DMRTA2: variants seen among roughly 807,000 people sequenced by gnomAD.
The protein encoded by DMRTA2 is doublesex- and mab-3-related transcription factor A2.
Under a neutral mutation model 29.7 loss-of-function variants are expected in DMRTA2, and 10 were observed. The observed-to-expected ratio is 0.34, with a 90% CI of 0.21 to 0.57. The LOEUF is 0.57. DMRTA2 is among the 20% of genes least tolerant of loss of function. DMRTA2 has a pLI of 0.87. For synonymous variants in DMRTA2, 469 were observed against 402.6 expected (o/e 1.16, Z -1.97); for missense variants, 783 against 812.1 (o/e 0.96, Z 0.44).
rs1278531 is a variant in DMRTA2, at chr1:50,420,924, T to C, written c.559+54A>G. 5,082 of 1,397,430 alleles carry C rather than the reference T, an allele frequency of 3.6e-3. 114 individuals carry two copies. The African/African-American group carries it at 0.048, about 13-fold the overall frequency. The allele number at this position is 1,397,430 out of a possible 1,614,324, so 86.6% of individuals were successfully genotyped here. A position where few individuals can be genotyped will look rare whatever the true frequency, so the allele number is the denominator to read the frequency against. ...AACCGAGACAAGCCCCTGGGCCCCG[T>C]GCCCCAGAGCTACGATCCTGCTGCC... On this transcript the variant is annotated intron_variant, in intron 2 of 2. Transcript: ENST00000404795. The surrounding 1 kb of genome is among the most constrained non-coding windows in gnomAD (Gnocchi z 4.1).
rs1646009847 is a variant in DMRTA2, at chr1:50,418,805, A to C, written c.1489T>G (p.Phe497Val). The change falls in exon 3 of 3, where the codon TTC (phenylalanine) becomes GTC (valine). Residue 497 changes from phenylalanine (F) to valine (V), a missense_variant. Physicochemically the swap from Phe to Val is conservative, Grantham distance 50 (BLOSUM62 -1). Around this residue, in one of 3 missense-constraint regions of DMRTA2, gnomAD observed 667 missense variants for 624.8 expected, o/e 1.07. Transcript: ENST00000404795. ...AAGGCGTAGTCCATGGGTGGGCGGAAGCCGAGCGTGGGCACCAAGCCGGCA... is the reference window on the plus strand; with the variant it reads ...AAGGCGTAGTCCATGGGTGGGCGGACGCCGAGCGTGGGCACCAAGCCGGCA... ...STAGLVPTLG[F>V]RPPMDYAFSD... 2 of 1,588,378 alleles carry C rather than the reference A, an allele frequency of 1.3e-6. No individual in the cohort carries two copies. Among genetic ancestry groups the C allele is most frequent in the African/African-American group, 2.8e-5 (2 of 72,092 alleles).
In DMRTA2 at chr1:50,419,259, C is replaced by G; in HGVS notation, c.1035G>C (p.Gln345His). The G allele has an allele frequency of 1.3e-6, 2 of 1,586,442 alleles. No homozygotes were observed. Among genetic ancestry groups the G allele is most frequent in the South Asian group, 1.1e-5 (1 of 89,036 alleles). ...VLQGCGGDVV[Q>H]AIEQVLNHHR... ...GGTGGTTCAGCACCTGCTCGATGGC[C>G]TGCACCACGTCGCCGCCGCAGCCCT... The change falls in exon 3 of 3, where the codon CAG (glutamine) becomes CAC (histidine). Residue 345 changes from glutamine to histidine, a missense_variant. Coordinates refer to ENST00000404795, the MANE Select transcript of DMRTA2 (RefSeq NM_032110.3). This position sits in a 1 kb window ranked among gnomAD's most constrained non-coding sequence, Gnocchi z 6.1.
In DMRTA2 at chr1:50,423,308, C is replaced by T. The variant is rs1281049480; in HGVS notation, c.-201G>A. On this transcript the variant is annotated 5_prime_UTR_variant, in exon 1 of 3. Transcript: ENST00000404795. ...CAGTCCAACCCTCCCTTCAGAAATC[C>T]GGGTCGGAGGCTCGTCTGCGGGCCG... 6.6e-6 allele frequency: 1 copy of T among 152,240 alleles called. No individual in the cohort carries two copies. Among genetic ancestry groups the T allele is most frequent in the Non-Finnish European group, 1.5e-5 (1 of 68,056 alleles). The allele number at this position is 152,240 out of a possible 1,614,324, so 9.4% of individuals were successfully genotyped here.
Position 50,418,682 on chromosome 1 carries a change from C to A in DMRTA2, c.1612G>T (p.Ala538Ser), listed in dbSNP as rs1334832225. The A allele has an allele frequency of 2.1e-6, 3 of 1,410,830 alleles. No homozygotes were observed. The highest frequency in any genetic ancestry group is 2.8e-6 in the Non-Finnish European group (3 of 1,081,530). 87.4% of individuals were successfully genotyped at this position (1,410,830 alleles called of 1,614,324 possible). ...GGLYGPMVNG[A>S]PEKQ ...CCCTCGCCCTACTGCTTCTCCGGAGCGCCGTTGACCATAGGCCCGTACAGG... is the reference window on the plus strand; with the variant it reads ...CCCTCGCCCTACTGCTTCTCCGGAGAGCCGTTGACCATAGGCCCGTACAGG... Residue 538 changes from alanine to serine, a missense_variant, in exon 3 of 3, where the codon GCT (alanine) becomes TCT (serine). By Grantham distance (99) the Ala-to-Ser change is moderately conservative. Around this residue, in one of 3 missense-constraint regions of DMRTA2, gnomAD observed 667 missense variants for 624.8 expected, o/e 1.07. Coordinates refer to ENST00000404795, the MANE Select transcript of DMRTA2 (RefSeq NM_032110.3).
Position 50,421,235 on chromosome 1 carries a change from A to G in DMRTA2, c.302T>C (p.Leu101Pro). 1 of 1,536,562 alleles carries G rather than the reference A, an allele frequency of 6.5e-7. No individual in the cohort carries two copies. Among genetic ancestry groups the G allele is most frequent in the Non-Finnish European group, 8.8e-7 (1 of 1,141,046 alleles). ...WKDCLCAKCT[L>P]IAERQRVMAA... ...CATGACACGCTGGCGCTCCGCGATG[A>G]GCGTGCACTTGGCGCACAGGCAGTC... is the stretch of plus-strand genomic sequence containing the variant. Residue 101 changes from leucine to proline, a missense_variant, in exon 2 of 3, where the codon CTC becomes CCC. Transcript: ENST00000404795. This position sits in a 1 kb window ranked among gnomAD's most constrained non-coding sequence, Gnocchi z 8.7.
rs1308928141 is a variant in DMRTA2 at position 50,419,567 on chromosome 1, C to G, written c.727G>C (p.Asp243His). The G allele has an allele frequency of 1.3e-6, 2 of 1,557,476 alleles. No homozygotes were observed. Among genetic ancestry groups the G allele is most frequent in the African/African-American group, 2.8e-5 (2 of 71,828 alleles). Residue 243 changes from aspartate (D) to histidine (H), a missense_variant, in exon 3 of 3, where the codon GAT (aspartate) becomes CAT (histidine). Asp to His is a moderately conservative substitution (Grantham distance 81). This residue lies in a region of DMRTA2 where 667 missense variants were observed against 624.8 expected (regional missense o/e 1.07). Coordinates refer to ENST00000404795, the MANE Select transcript of DMRTA2 (RefSeq NM_032110.3). This position sits in a 1 kb window ranked among gnomAD's most constrained non-coding sequence, Gnocchi z 6.1. ...GGCGAACCAGAAAAGGACTCGCCATCGCCGTTCTCCGAGCCTGAGCCGGGC... is the reference window on the plus strand; with the variant it reads ...GGCGAACCAGAAAAGGACTCGCCATGGCCGTTCTCCGAGCCTGAGCCGGGC... ...VRPGSGSENG[D>H]GESFSGSPLA...
rs1646042078 is a variant in DMRTA2, at chr1:50,421,967, TTTTGGCCCAGAAG to T, written c.-8-436_-8-424del. ...GACGGGACTGGGATTAGAGCGACAGTTTTGGCCCAGAAGTTAGGCTGATGCCAAGGGCAAAACA... is the reference window on the plus strand; with the variant it reads ...GACGGGACTGGGATTAGAGCGACAGTTTAGGCTGATGCCAAGGGCAAAACA... On this transcript the variant is annotated intron_variant, in intron 1 of 2. Transcript: ENST00000404795. The surrounding 1 kb of genome is among the most constrained non-coding windows in gnomAD (Gnocchi z 8.7). Among the ~76,000 whole-genome samples, 1 of 152,046 alleles carries T rather than the reference TTTTGGCCCAGAAG, an allele frequency of 6.6e-6. No individual in the cohort carries two copies. The highest frequency in any genetic ancestry group is 2.1e-4 in the South Asian group (1 of 4,814).
chr1:50,419,453 C>G lies in DMRTA2; in HGVS notation c.841G>C (p.Ala281Pro). The change falls in exon 3 of 3, where the codon GCT becomes CCT. Residue 281 changes from alanine (A) to proline (P), a missense_variant. By Grantham distance (27) the Ala-to-Pro change is conservative (BLOSUM62 -1). Transcript: ENST00000404795. This position sits in a 1 kb window ranked among gnomAD's most constrained non-coding sequence, Gnocchi z 6.1. The stretch of plus-strand genomic sequence containing the variant: ...CCGGATTCAGAGCCCAGAGGGCTAG[C>G]GGAGCCCGGGCTGTCCTCCTCGCCG... ...GGGEEDSPGSASPLGSESGSE... is the reference protein window; with the variant it reads ...GGGEEDSPGSPSPLGSESGSE... 2.5e-6 allele frequency: 4 copies of G among 1,598,256 alleles called. No homozygotes were observed. The highest frequency in any genetic ancestry group is 1.3e-5 in the African/African-American group (1 of 74,514).
Position 50,420,582 on chromosome 1 carries a change from G to C in DMRTA2, c.559+396C>G, listed in dbSNP as rs1437916757. ...AACCTAGGGTGTCAGTTAAAGGGGG[G>C]GGGATTCCTTAAGGGAGTTGGGAAG... On this transcript the variant is annotated intron_variant, in intron 2 of 2. Transcript: ENST00000404795. This position sits in a 1 kb window ranked among gnomAD's most constrained non-coding sequence, Gnocchi z 4.1. Among the ~76,000 whole-genome samples, 1 of 152,110 alleles carries C rather than the reference G, an allele frequency of 6.6e-6. No homozygotes were observed. Among genetic ancestry groups the C allele is most frequent in the African/African-American group, 2.4e-5 (1 of 41,406 alleles).
chr1:50,421,763 A>G lies in DMRTA2; in HGVS notation c.-8-219T>C, dbSNP rs1646040721. ...CTGGCCATGGCTGCTCTTAGACCTG[A>G]TATACACGCTAGGGGTAAGATTTTG... On this transcript the variant is annotated intron_variant, in intron 1 of 2. Coordinates refer to ENST00000404795, the MANE Select transcript of DMRTA2 (RefSeq NM_032110.3). This position sits in a 1 kb window ranked among gnomAD's most constrained non-coding sequence, Gnocchi z 8.7. The G allele has an allele frequency of 2.6e-6, 1 of 381,530 alleles. No individual in the cohort carries two copies. Among genetic ancestry groups the G allele is most frequent in the Non-Finnish European group, 4.5e-6 (1 of 223,696 alleles). 23.6% of individuals were successfully genotyped at this position (381,530 alleles called of 1,614,324 possible). A position where few individuals can be genotyped will look rare whatever the true frequency, so the allele number is the denominator to read the frequency against.
Position 50,419,655 on chromosome 1 carries a change from C to A in DMRTA2, c.639G>T (p.Pro213=), listed in dbSNP as rs2148965269. The change falls in exon 3 of 3, where the codon CCG becomes CCT. Residue 213 remains proline (P), a synonymous_variant. Transcript: ENST00000404795. This position sits in a 1 kb window ranked among gnomAD's most constrained non-coding sequence, Gnocchi z 6.1. ...CGCCGTCGGGTGATAAGGGCTTCAC[C>A]GGCGGCGGCAGCGGGCTGCCCGGGC... ...AGRPGSPLPP[P]VKPLSPDGAD... 1.3e-6 allele frequency: 2 copies of A among 1,499,962 alleles called. No homozygotes were observed. Among genetic ancestry groups the A allele is most frequent in the Middle Eastern group, 1.8e-4 (1 of 5,672 alleles). 92.9% of individuals were successfully genotyped at this position (1,499,962 alleles called of 1,614,324 possible).
Position 50,419,090 on chromosome 1 carries a change from G to A in DMRTA2, c.1204C>T (p.Leu402=). 1 of 1,213,068 alleles carries A rather than the reference G, an allele frequency of 8.2e-7. No homozygotes were observed. The highest frequency in any genetic ancestry group is 1.0e-6 in the Non-Finnish European group (1 of 980,784). The allele number at this position is 1,213,068 out of a possible 1,614,324, so 75.1% of individuals were successfully genotyped here. The part of the protein sequence containing the change: ...AAAAAAGGPG[L]PAPLQAGPAA... ...GGCCCCGCCTGCAGCGGCGCAGGCA[G>A]CCCAGGCCCCCCGGCGGCGGCGGCG... Residue 402 remains leucine (L), a synonymous_variant, in exon 3 of 3, where the codon CTG becomes TTG. Coordinates refer to ENST00000404795, the MANE Select transcript of DMRTA2 (RefSeq NM_032110.3). This position sits in a 1 kb window ranked among gnomAD's most constrained non-coding sequence, Gnocchi z 6.1.
At position 50,419,116 on chromosome 1, in the gene DMRTA2, G is replaced by A; in HGVS notation, c.1178C>T (p.Ala393Val). The change falls in exon 3 of 3, where the codon GCC becomes GTC. Residue 393 changes from alanine (A) to valine (V), a missense_variant. By Grantham distance (64) the Ala-to-Val change is moderately conservative. Coordinates refer to ENST00000404795, the MANE Select transcript of DMRTA2 (RefSeq NM_032110.3). This position sits in a 1 kb window ranked among gnomAD's most constrained non-coding sequence, Gnocchi z 6.1. Reference protein sequence around the residue: ...WPSRVDAAAAAAAAAGGPGLP... With the variant: ...WPSRVDAAAAVAAAAGGPGLP... Reference sequence around the variant, plus strand: ...CCCAGGCCCCCCGGCGGCGGCGGCGGCGGCGGCGGCGGCGTCGACGCGGCT... The same window carrying A: ...CCCAGGCCCCCCGGCGGCGGCGGCGACGGCGGCGGCGGCGTCGACGCGGCT... 1 of 1,190,022 alleles carries A rather than the reference G, an allele frequency of 8.4e-7. No homozygotes were observed. The highest frequency in any genetic ancestry group is 1.0e-6 in the Non-Finnish European group (1 of 965,700). The allele number at this position is 1,190,022 out of a possible 1,614,324, so 73.7% of individuals were successfully genotyped here.
rs748534493 is a variant in DMRTA2, at chr1:50,419,329, C to T, written c.965G>A (p.Arg322His). Reference protein sequence around the residue: ...RQRTPLDILTRVFPGHRRGVL... With the variant: ...RQRTPLDILTHVFPGHRRGVL... ...GCCTCGCCGGTGGCCTGGGAACACG[C>T]GTGTCAAGATATCCAGCGGCGTCCG... Residue 322 changes from arginine to histidine, a missense_variant, in exon 3 of 3, where the codon CGC becomes CAC. Coordinates refer to ENST00000404795, the MANE Select transcript of DMRTA2 (RefSeq NM_032110.3). The surrounding 1 kb of genome is among the most constrained non-coding windows in gnomAD (Gnocchi z 6.1). The T allele has an allele frequency of 5.0e-6, 8 of 1,596,770 alleles. No individual in the cohort carries two copies. The African/African-American group carries it at 5.4e-5, about 11-fold the overall frequency.
Position 50,418,362 on chromosome 1 carries a change from T to G in DMRTA2, c.*303A>C. ...CTGCGCTGCTGTCGCAGCCTCTGAA[T>G]TCTCATGAATTCCCAGCCTTTTGGA... On this transcript the variant is annotated 3_prime_UTR_variant, in exon 3 of 3. Transcript: ENST00000404795. 3.5e-6 allele frequency: 1 copy of G among 281,738 alleles called. No homozygotes were observed. The highest frequency in any genetic ancestry group is 6.6e-6 in the Non-Finnish European group (1 of 151,970). 17.5% of individuals were successfully genotyped at this position (281,738 alleles called of 1,614,324 possible).
Position 50,420,478 on chromosome 1 carries a change from C to G in DMRTA2, c.559+500G>C, listed in dbSNP as rs1407639873. Among the ~76,000 whole-genome samples the G allele has an allele frequency of 1.3e-5, 2 of 151,870 alleles. No homozygotes were observed. Among genetic ancestry groups the G allele is most frequent in the African/African-American group, 4.9e-5 (2 of 41,212 alleles). ...GAAACTAGAAGGAGGGAGGGCGCAGCAAGCGGTTGTCCAGAGGGCGTTAGG... is the reference window on the plus strand; with the variant it reads ...GAAACTAGAAGGAGGGAGGGCGCAGGAAGCGGTTGTCCAGAGGGCGTTAGG... On this transcript the variant is annotated intron_variant, in intron 2 of 2. Transcript: ENST00000404795. The surrounding 1 kb of genome is among the most constrained non-coding windows in gnomAD (Gnocchi z 4.1).
In DMRTA2 at chr1:50,421,129, G is replaced by A. The variant is rs760140935; in HGVS notation, c.408C>T (p.Ala136=). 2.4e-5 allele frequency: 37 copies of A among 1,528,922 alleles called. No homozygotes were observed. Among genetic ancestry groups the A allele is most frequent in the Non-Finnish European group, 3.2e-5 (37 of 1,141,486 alleles). 94.7% of individuals were successfully genotyped at this position (1,528,922 alleles called of 1,614,324 possible). ...ARELQLLYGT[A]EGLALAAANG... The stretch of plus-strand genomic sequence containing the variant: ...TGGCGGCGGCCAGCGCCAGCCCCTC[G>A]GCAGTGCCGTAGAGCAGCTGCAGCT... The change falls in exon 2 of 3, where the codon GCC becomes GCT. Residue 136 remains alanine, a synonymous_variant. Coordinates refer to ENST00000404795, the MANE Select transcript of DMRTA2 (RefSeq NM_032110.3). The surrounding 1 kb of genome is among the most constrained non-coding windows in gnomAD (Gnocchi z 8.7).
At position 50,419,415 on chromosome 1, in the gene DMRTA2, G is replaced by T. The variant is rs755002825; in HGVS notation, c.879C>A (p.Asp293Glu). The change falls in exon 3 of 3, where the codon GAC becomes GAA. Residue 293 changes from aspartate to glutamate, a missense_variant. Asp to Glu is a conservative substitution (Grantham distance 45). Transcript: ENST00000404795. This position sits in a 1 kb window ranked among gnomAD's most constrained non-coding sequence, Gnocchi z 6.1. ...PLGSESGSEA[D>E]KEEGEAAPAP... ...CCGGCGCGGCCTCACCCTCTTCTTT[G>T]TCAGCCTCTGAACCGGATTCAGAGC... The T allele has an allele frequency of 6.3e-7, 1 of 1,597,862 alleles. No individual in the cohort carries two copies. The highest frequency in any genetic ancestry group is 1.7e-5 in the Admixed American group (1 of 59,870).
chr1:50,418,525 C>A lies in DMRTA2; in HGVS notation c.*140G>T. ...AGCCTTCCCCACCCACCCTCCTAAA[C>A]AAAACCCAAAAACCACCTTAGAGTG... On this transcript the variant is annotated 3_prime_UTR_variant, in exon 3 of 3. Transcript: ENST00000404795. The A allele has an allele frequency of 2.9e-6, 2 of 689,086 alleles. No homozygotes were observed. Among genetic ancestry groups the A allele is most frequent in the Non-Finnish European group, 4.1e-6 (2 of 486,342 alleles). 42.7% of individuals were successfully genotyped at this position (689,086 alleles called of 1,614,324 possible). A position where few individuals can be genotyped will look rare whatever the true frequency, so the allele number is the denominator to read the frequency against.
Sources: gnomAD v4.1 joint callset for allele counts (sites outside exome capture counted in the v4.1 genomes callset) on GRCh38, gnomAD v4.1.1 for gene constraint, gnomAD v4.1.1 regional missense constraint, Gnocchi (gnomAD v3.1) non-coding constraint, MANE v1.5 for transcripts, NCBI Gene and HGNC (gene_info 2026-07-23, HGNC 2026-07-21) for gene names.